Variants in CPPED1 observed in about 807,000 individuals in gnomAD.
CPPED1 encodes calcineurin like phosphoesterase domain containing 1, also known as serine/threonine-protein phosphatase CPPED1.
In CPPED1, 28 loss-of-function variants were observed where a neutral mutation model predicts 28.0. That is an observed-to-expected ratio of 1.00 (90% CI 0.74 to 1.37). The LOEUF (loss-of-function observed/expected upper bound fraction) is 1.37, where lower values mean the gene tolerates loss of function less well. Among genes scored for constraint, CPPED1 ranks in the 40% most tolerant of loss-of-function variants. The probability of loss-of-function intolerance (pLI) is 0.00; values close to 1 mark genes in which losing one functional copy is unlikely to be tolerated. For missense variants in CPPED1, 504 were observed against 416.5 expected (o/e 1.21, Z -1.83); for synonymous variants, 198 against 180.2 (o/e 1.10, Z -0.79).
At chr16:12,759,103 C>T (rs1275368937) in intron 2 of CPPED1, among the ~76,000 whole-genome samples, 1 of 130,686 alleles carries the variant, frequency 7.7e-6, no homozygotes, top group Non-Finnish European at 1.5e-5. Context: ...GTAGAGGCTA[C>T]AGTGAGGTAT....
intron 2 of CPPED1, among the ~76,000 whole-genome samples, chr16:12,777,898 A>AT (rs2080506856): frequency 8.1e-6 from 1 of 124,136 alleles, no homozygotes; most frequent in East Asian, 2.6e-4. Context: ...CTTTTTTTCT[A>AT]TTTTCTTTTT....
chr16:12,678,908 T>C (rs916435673), intron 3 of CPPED1, among the ~76,000 whole-genome samples: 14 of 152,236 alleles, frequency 9.2e-5, no homozygotes, highest in African/African-American at 3.4e-4. Context: ...GGATCTCCAA[T>C]ACAATGTTAA....
intron 2 of CPPED1, among the ~76,000 whole-genome samples, chr16:12,739,599 T>C (rs1320092719): frequency 6.6e-6 from 1 of 152,096 alleles, no homozygotes; most frequent in East Asian, 1.9e-4. Flanking sequence ...AAAGTGCTTG[T>C]TCGAGTAAAC....
intron 3 of CPPED1, among the ~76,000 whole-genome samples, chr16:12,700,688 G>A (rs545620198): frequency 2.6e-5 from 4 of 152,306 alleles, no homozygotes; most frequent in Admixed American, 2.0e-4. Context: ...TACCACACCT[G>A]GCCCAAAGAC....
At chr16:12,722,681 G>A (rs1460246626) in intron 2 of CPPED1, among the ~76,000 whole-genome samples, 2 of 152,082 alleles carry the variant, frequency 1.3e-5, no homozygotes, top group Admixed American at 1.3e-4. Context: ...AGCTGTCATT[G>A]CACCACTGGA....
chr16:12,740,070 AAAAG>A (rs1476267220), intron 2 of CPPED1, among the ~76,000 whole-genome samples: 2 of 148,506 alleles, frequency 1.3e-5, no homozygotes, highest in South Asian at 2.1e-4. Flanking sequence ...AGAAAAGAAA[AAAAG>A]AAAGGAAAGA....
intron 3 of CPPED1, 128 bp from the exon 4 acceptor site, chr16:12,665,243 T>C (rs942983800): frequency 1.3e-5 from 10 of 780,642 alleles, no homozygotes; most frequent in African/African-American, 3.6e-5. Flanking sequence ...AGAATTATCA[T>C]ATTAAATGTA....
intron 2 of CPPED1, among the ~76,000 whole-genome samples, chr16:12,775,586 T>C (rs1358706017): frequency 6.6e-6 from 1 of 152,236 alleles, no homozygotes; most frequent in Non-Finnish European, 1.5e-5. Flanking sequence ...AACCTCATTG[T>C]CCATACAGTT....
intron 1 of CPPED1, among the ~76,000 whole-genome samples, chr16:12,786,665 A>G (rs1204853118): frequency 6.6e-6 from 1 of 152,216 alleles, no homozygotes; most frequent in Non-Finnish European, 1.5e-5. Flanking sequence ...TCACACCTGT[A>G]ATCCCAGCAC....
At chr16:12,692,866 G>A (rs1407081525) in intron 3 of CPPED1, among the ~76,000 whole-genome samples, 1 of 152,144 alleles carries the variant, frequency 6.6e-6, no homozygotes, top group Admixed American at 6.5e-5. Flanking sequence ...CTGGCAGGGC[G>A]GCCCCAGAGG....
At chr16:12,754,339 A>G (rs1374312242) in intron 2 of CPPED1, among the ~76,000 whole-genome samples, 1 of 152,216 alleles carries the variant, frequency 6.6e-6, no homozygotes. Context: ...TTTCACCAGC[A>G]GCTGCTTGTT....
rs2079806612 is a variant in CPPED1, at chr16:12,663,280, C to G, written c.*1606G>C. 6.6e-6 allele frequency: 1 copy of G among 152,250 alleles called. No homozygotes were observed. Among genetic ancestry groups the G allele is most frequent in the African/African-American group, 2.4e-5 (1 of 41,434 alleles). 9.4% of individuals were successfully genotyped at this position (152,250 alleles called of 1,614,324 possible). A position where few individuals can be genotyped will look rare whatever the true frequency, so the allele number is the denominator to read the frequency against. ...TTCACCATGTTGGCCAGGCTGTTCT[C>G]AAACTCCTGATCTCAGGTGATCTGC... On this transcript the variant is annotated 3_prime_UTR_variant, in exon 4 of 4. Transcript: ENST00000381774.
intron 2 of CPPED1, chr16:12,720,342 C>G (rs1442054564): frequency 6.5e-6 from 1 of 154,322 alleles, no homozygotes; most frequent in East Asian, 1.9e-4. Context: ...AAACCAAGCA[C>G]CTGTTTGTGA....
In CPPED1 at chr16:12,675,210, G is replaced by T. The variant is rs1337997467; in HGVS notation, c.716-10095C>A. On this transcript the variant is annotated intron_variant, in intron 3 of 3. Transcript: ENST00000381774. ...TTTTAGTGATGTTTTCAAGAGCTGGGCAGAATTTCCACTCAGCCTGGGCAT... is the reference window on the plus strand; with the variant it reads ...TTTTAGTGATGTTTTCAAGAGCTGGTCAGAATTTCCACTCAGCCTGGGCAT... Among the ~76,000 whole-genome samples the T allele has an allele frequency of 2.0e-5, 3 of 152,298 alleles. No homozygotes were observed. The East Asian group carries it at 5.8e-4, about 29-fold the overall frequency.
intron 1 of CPPED1, among the ~76,000 whole-genome samples, chr16:12,803,243 G>A (rs1476225387): frequency 2.6e-5 from 4 of 152,138 alleles, no homozygotes; most frequent in Admixed American, 1.3e-4. Flanking sequence ...TTAAATAAAC[G>A]TCATTATGGA....
chr16:12,684,487 C>A (rs1053211890), intron 3 of CPPED1, among the ~76,000 whole-genome samples: 9 of 152,314 alleles, frequency 5.9e-5, no homozygotes, highest in Admixed American at 3.3e-4. Context: ...AGTGCCAGTG[C>A]CAGTACAGGA....
chr16:12,710,081 T>C (rs1425120290), intron 2 of CPPED1, among the ~76,000 whole-genome samples: 1 of 152,188 alleles, frequency 6.6e-6, no homozygotes, highest in Non-Finnish European at 1.5e-5. Context: ...CTCAGAAGAC[T>C]GTCTCCACAG....
At chr16:12,719,661 G>A (rs1024935938) in intron 2 of CPPED1, among the ~76,000 whole-genome samples, 1 of 152,166 alleles carries the variant, frequency 6.6e-6, no homozygotes, top group East Asian at 1.9e-4. Flanking sequence ...TAGGCCAGGC[G>A]CGGTCACTCA....
chr16:12,741,468 T>C (rs548537911), intron 2 of CPPED1, among the ~76,000 whole-genome samples: 1 of 152,222 alleles, frequency 6.6e-6, no homozygotes, highest in African/African-American at 2.4e-5. Context: ...CAAGAGCAGT[T>C]TTTGCAATGG....
Sources: gnomAD v4.1 joint callset for allele counts (sites outside exome capture counted in the v4.1 genomes callset) on GRCh38, gnomAD v4.1.1 for gene constraint, MANE v1.5 for transcripts, NCBI Gene and HGNC (gene_info 2026-07-23, HGNC 2026-07-21) for gene names.